NLK: variants seen among roughly 807,000 people sequenced by gnomAD.
NLK encodes the protein nemo like kinase, also known as serine/threonine-protein kinase NLK.
Under a neutral mutation model 59.0 loss-of-function variants are expected in NLK, and 11 were observed. That is an observed-to-expected ratio of 0.19 (90% confidence interval 0.12 to 0.31). The LOEUF is 0.31. Among genes scored for constraint, NLK ranks in the 10% least tolerant of loss-of-function variants. The probability of loss-of-function intolerance (pLI) is 1.00; values close to 1 mark genes in which losing one functional copy is unlikely to be tolerated. For synonymous variants in NLK, 235 were observed against 235.9 expected (o/e 1.00, Z 0.03); for missense variants, 410 against 661.1 (o/e 0.62, Z 4.16).
At chr17:28,108,281 G>C (rs568545051) in intron 1 of NLK, among the ~76,000 whole-genome samples, 4 of 152,020 alleles carry the variant, frequency 2.6e-5, no homozygotes, top group Non-Finnish European at 4.4e-5. Context: ...GAAATGTAAG[G>C]GTTTTTCATA....
intron 1 of NLK, among the ~76,000 whole-genome samples, chr17:28,076,894 C>T (rs1910175805): frequency 6.6e-6 from 1 of 151,992 alleles, no homozygotes; most frequent in African/African-American, 2.4e-5. Flanking sequence ...ATTTCTTCTG[C>T]CTCTGAAGTA....
chr17:28,111,901 GTGT>G (rs1567717101), intron 1 of NLK, among the ~76,000 whole-genome samples: 3,547 of 86,660 alleles, frequency 0.041, 23 homozygotes, highest in Middle Eastern at 0.073. Flanking sequence ...TGTGTGGTGT[GTGT>G]GTGTGTGTGT....
chr17:28,158,797 T>C (rs1012679573), intron 3 of NLK, among the ~76,000 whole-genome samples: 1 of 152,180 alleles, frequency 6.6e-6, no homozygotes, highest in Non-Finnish European at 1.5e-5. Flanking sequence ...CACACCTGGC[T>C]AAGTTTTTTG....
chr17:28,043,133 C>G lies in NLK; in HGVS notation c.260C>G (p.Pro87Arg), dbSNP rs1396778592. 8.7e-6 allele frequency: 14 copies of G among 1,610,316 alleles called. No individual in the cohort carries two copies. Among genetic ancestry groups the G allele is most frequent in the Non-Finnish European group, 1.2e-5 (14 of 1,178,158 alleles). ...AAAAAAAMLN[P>R]GQQQPYFPSP... Reference sequence around the variant, plus strand: ...GCTGCAGCTGCAGCCATGTTAAACCCTGGGCAACAACAGCCATATTTCCCA... The same window carrying G: ...GCTGCAGCTGCAGCCATGTTAAACCGTGGGCAACAACAGCCATATTTCCCA... Residue 87 changes from proline (P) to arginine (R), a missense_variant, in exon 1 of 11, where the codon CCT becomes CGT. Coordinates refer to ENST00000407008, the MANE Select transcript of NLK (RefSeq NM_016231.5).
chr17:28,161,264 G>A lies in NLK; in HGVS notation c.749G>A (p.Arg250Gln), dbSNP rs111893191. Residue 250 changes from arginine (R) to glutamine (Q), a missense_variant and splice_region_variant, in exon 4 of 11, where the codon CGA becomes CAA. This residue lies in a region of NLK where 73 missense variants were observed against 197.2 expected (regional missense o/e 0.37). Coordinates refer to ENST00000407008, the MANE Select transcript of NLK (RefSeq NM_016231.5). ...HVKVFLYQIL[R>Q]GLKYLHSAGI... ...AAAGTTTTTCTTTATCAGATTTTGC[G>A]AGGTAAGATTTCTTTATGAAGAAAA... is the stretch of plus-strand genomic sequence containing the variant. 1.9e-6 allele frequency: 3 copies of A among 1,579,178 alleles called. No homozygotes were observed. Among genetic ancestry groups the A allele is most frequent in the Non-Finnish European group, 2.6e-6 (3 of 1,148,466 alleles).
At chr17:28,169,037 C>T (rs1908356725) in intron 6 of NLK, among the ~76,000 whole-genome samples, 1 of 152,126 alleles carries the variant, frequency 6.6e-6, no homozygotes, top group Admixed American at 6.5e-5. Context: ...AGGCACGCTC[C>T]ACCACACCTG....
At position 28,095,499 on chromosome 17, in the gene NLK, T is replaced by C. The variant is rs112149563; in HGVS notation, c.459-27104T>C. On this transcript the variant is annotated intron_variant, in intron 1 of 10. Coordinates refer to ENST00000407008, the MANE Select transcript of NLK (RefSeq NM_016231.5). ...GCTTGTGGGAAAAGATGCATCTCTCTATCCAAGTCTCACTTCTAGAGGCAA... is the reference window on the plus strand; with the variant it reads ...GCTTGTGGGAAAAGATGCATCTCTCCATCCAAGTCTCACTTCTAGAGGCAA... Among the ~76,000 whole-genome samples, 5 of 152,346 alleles carry C rather than the reference T, an allele frequency of 3.3e-5. 1 individual carries two copies. Among genetic ancestry groups the C allele is most frequent in the African/African-American group, 1.2e-4 (5 of 41,590 alleles).
chr17:28,102,404 A>C (rs200335132), intron 1 of NLK, among the ~76,000 whole-genome samples: 1 of 152,158 alleles, frequency 6.6e-6, no homozygotes, highest in African/African-American at 2.4e-5. Context: ...TAATCCCAGC[A>C]CTTCGGGAGG....
chr17:28,200,374 A>T (rs2142080272), downstream of NLK, among the ~76,000 whole-genome samples: 1 of 152,288 alleles, frequency 6.6e-6, no homozygotes, highest in South Asian at 2.1e-4. Flanking sequence ...TTGTATATGA[A>T]TGTCCACTAT....
intron 1 of NLK, among the ~76,000 whole-genome samples, chr17:28,081,489 T>C (rs1471618179): frequency 6.6e-6 from 1 of 152,110 alleles, no homozygotes; most frequent in Non-Finnish European, 1.5e-5. Flanking sequence ...TAAATAAATA[T>C]TAGAAATGAC....
chr17:28,084,266 C>T (rs1326739694), intron 1 of NLK, among the ~76,000 whole-genome samples: 2 of 152,130 alleles, frequency 1.3e-5, no homozygotes, highest in African/African-American at 4.8e-5. Context: ...AATGAGATAG[C>T]CTTTGGTGTA....
chr17:28,174,957 C>T (rs112457232), intron 7 of NLK, among the ~76,000 whole-genome samples: 2 of 150,180 alleles, frequency 1.3e-5, no homozygotes, highest in African/African-American at 4.9e-5. Flanking sequence ...CACCTACACA[C>T]GATTATATTT....
chr17:28,058,447 T>C (rs1351388535), intron 1 of NLK, among the ~76,000 whole-genome samples: 1 of 152,230 alleles, frequency 6.6e-6, no homozygotes, highest in Non-Finnish European at 1.5e-5. Flanking sequence ...TCAATGCTAA[T>C]GTAAGTGCTT....
chr17:28,056,121 C>T (rs897247627), intron 1 of NLK, among the ~76,000 whole-genome samples: 1 of 152,102 alleles, frequency 6.6e-6, no homozygotes, highest in African/African-American at 2.4e-5. Flanking sequence ...ACCTGGTATG[C>T]GTGGGTGTGT....
At chr17:28,140,914 G>A (rs58930338) in intron 3 of NLK, among the ~76,000 whole-genome samples, 2,476 of 152,134 alleles carry the variant, frequency 0.016, 61 homozygotes, top group African/African-American at 0.055. Flanking sequence ...ATATTAGTAG[G>A]ATAAGTATAT....
At chr17:28,121,612 G>T (rs1227096583) in intron 1 of NLK, among the ~76,000 whole-genome samples, 1 of 125,338 alleles carries the variant, frequency 8.0e-6, no homozygotes, top group East Asian at 2.7e-4. Flanking sequence ...AGCAATTCTT[G>T]TGCCTCAGCC....
In NLK at chr17:28,193,445, C is replaced by T. The variant is rs569399651; in HGVS notation, c.1530-1137C>T. 3.4e-3 allele frequency among the ~76,000 whole-genome samples: 519 copies of T among 152,236 alleles called. 3 individuals are homozygous for T. Among genetic ancestry groups the T allele is most frequent in the Non-Finnish European group, 6.2e-3 (425 of 68,008 alleles). On this transcript the variant is annotated intron_variant, in intron 10 of 10. Coordinates refer to ENST00000407008, the MANE Select transcript of NLK (RefSeq NM_016231.5). ...ACCAAAGCTGAGCCTTCCACATGACCAAAAACAGGCACAACAAACCAAGGA... is the reference window on the plus strand; with the variant it reads ...ACCAAAGCTGAGCCTTCCACATGACTAAAAACAGGCACAACAAACCAAGGA...
chr17:28,142,160 TG>T (rs1421735583), intron 3 of NLK, among the ~76,000 whole-genome samples: 1 of 152,232 alleles, frequency 6.6e-6, no homozygotes, highest in African/African-American at 2.4e-5. Flanking sequence ...ACAGACCTTA[TG>T]GACTGTAACA....
chr17:28,108,891 GGGCGCAGTGGCTCAC>G (rs1905328334), intron 1 of NLK, among the ~76,000 whole-genome samples: 1 of 152,098 alleles, frequency 6.6e-6, no homozygotes, highest in African/African-American at 2.4e-5. Context: ...ATTTTAGGCC[GGGCGCAGTGGCTCAC>G]GCCTGTAATC....
Sources: gnomAD v4.1 joint callset for allele counts (sites outside exome capture counted in the v4.1 genomes callset) on GRCh38, gnomAD v4.1.1 for gene constraint, gnomAD v4.1.1 regional missense constraint, MANE v1.5 for transcripts, NCBI Gene and HGNC (gene_info 2026-07-23, HGNC 2026-07-21) for gene names.